ERO1B: variants seen among roughly 807,000 people sequenced by gnomAD.
ERO1B encodes ERO1-like protein beta.
In ERO1B, 49 loss-of-function variants were observed where a neutral mutation model predicts 75.3. The ratio of observed to expected loss-of-function variants is 0.65; its 90% confidence interval spans 0.52 to 0.83. The LOEUF (loss-of-function observed/expected upper bound fraction) is 0.83. ERO1B is among the 40% of genes least tolerant of loss of function. The pLI, the probability that ERO1B is intolerant of heterozygous loss-of-function variation, is 0.00. For missense variants in ERO1B, 512 were observed against 560.1 expected (o/e 0.91, Z 0.87); for synonymous variants, 191 against 192.9 (o/e 0.99, Z 0.08).
chr1:236,229,422 CA>C (rs199715484), intron 10 of ERO1B, among the ~76,000 whole-genome samples: 7,954 of 112,132 alleles, frequency 0.071, 527 homozygotes, highest in East Asian at 0.42. Context: ...GACTCTGACT[CA>C]AAAAAAAAAA....
At chr1:236,254,722 C>A (rs531901047) in intron 2 of ERO1B, among the ~76,000 whole-genome samples, 59 of 151,310 alleles carry the variant, frequency 3.9e-4, no homozygotes, top group African/African-American at 9.3e-4. Flanking sequence ...AAGTGATTCT[C>A]CTGCCTCAGC....
At chr1:236,237,345 G>A (rs1664570164) in intron 6 of ERO1B, among the ~76,000 whole-genome samples, 1 of 152,040 alleles carries the variant, frequency 6.6e-6, no homozygotes, top group South Asian at 2.1e-4. Flanking sequence ...TCAAACTCCT[G>A]ACCTCGTGAT....
intron 2 of ERO1B, among the ~76,000 whole-genome samples, chr1:236,255,994 A>G (rs1665150587): frequency 6.6e-6 from 1 of 152,218 alleles, no homozygotes. Flanking sequence ...TCTGGCCTCT[A>G]ACAAGCCAGT....
chr1:236,281,909 T>A lies in ERO1B; in HGVS notation c.-126A>T. ...CGACTCCAGGGTCAGAGGTCTGCAC[T>A]CCAGTCCGGAGGCAGGCGACTCTTT... On this transcript the variant is annotated 5_prime_UTR_variant, in exon 1 of 16. Coordinates refer to ENST00000354619, the MANE Select transcript of ERO1B (RefSeq NM_019891.4). 3.5e-6 allele frequency: 2 copies of A among 576,318 alleles called. No homozygotes were observed. Among genetic ancestry groups the A allele is most frequent in the East Asian group, 7.0e-5 (2 of 28,676 alleles). 35.7% of individuals were successfully genotyped at this position (576,318 alleles called of 1,614,324 possible).
chr1:236,237,382 C>A (rs996744568), intron 6 of ERO1B, among the ~76,000 whole-genome samples: 3 of 151,884 alleles, frequency 2.0e-5, no homozygotes, highest in African/African-American at 7.3e-5. Context: ...CCCAAAGTGG[C>A]GGGATTACAG....
At chr1:236,222,080 G>A in intron 13 of ERO1B, 70 bp from the exon 14 acceptor site, 9 of 1,125,472 alleles carry the variant, frequency 8.0e-6, no homozygotes, top group Non-Finnish European at 9.3e-6. Flanking sequence ...TAAACGATAA[G>A]TAAGTTTTGA....
At chr1:236,230,275 A>T in intron 9 of ERO1B, 25 bp from the exon 10 acceptor site, 1 of 1,559,726 alleles carries the variant, frequency 6.4e-7, no homozygotes, top group Non-Finnish European at 8.8e-7. Flanking sequence ...AAAGTGGATT[A>T]AAACATTATA....
chr1:236,249,722 C>G (rs914652254), intron 5 of ERO1B, among the ~76,000 whole-genome samples, 163 bp downstream of exon 5: 1 of 151,994 alleles, frequency 6.6e-6, no homozygotes, highest in African/African-American at 2.4e-5. Context: ...CAAGAAGAGG[C>G]AAAGCTATTA....
At chr1:236,254,470 G>C (rs1665113149) in intron 2 of ERO1B, among the ~76,000 whole-genome samples, 2 of 152,064 alleles carry the variant, frequency 1.3e-5, no homozygotes, top group South Asian at 4.1e-4. Context: ...ATCACCCTTA[G>C]AGTTTATAAA....
At chr1:236,249,180 C>T (rs1664956646) in intron 5 of ERO1B, among the ~76,000 whole-genome samples, 1 of 152,128 alleles carries the variant, frequency 6.6e-6, no homozygotes, top group South Asian at 2.1e-4. Flanking sequence ...CACCCGCCAC[C>T]ACACCCGGCT....
rs116740207 is a variant in ERO1B at position 236,219,120 on chromosome 1, C to A, written c.1344-544G>T. ...AAATATAAAAAAGTAATTCTAAAAGCTCAAGTATCCCTATGTACAATTCAG... is the reference window on the plus strand; with the variant it reads ...AAATATAAAAAAGTAATTCTAAAAGATCAAGTATCCCTATGTACAATTCAG... On this transcript the variant is annotated intron_variant, in intron 15 of 15. Transcript: ENST00000354619. Among the ~76,000 whole-genome samples the A allele has an allele frequency of 5.8e-3, 887 of 152,256 alleles. 9 individuals are homozygous for A. Among genetic ancestry groups the A allele is most frequent in the African/African-American group, 0.02 (824 of 41,544 alleles).
At chr1:236,253,956 A>G (rs975542989) in intron 2 of ERO1B, among the ~76,000 whole-genome samples, 1 of 152,198 alleles carries the variant, frequency 6.6e-6, no homozygotes, top group African/African-American at 2.4e-5. Context: ...TACAAAGAAA[A>G]TCCAGAGAAC....
At chr1:236,225,280 G>C in intron 12 of ERO1B, 141 bp from the exon 13 acceptor site, 1 of 739,348 alleles carries the variant, frequency 1.4e-6, no homozygotes, top group Non-Finnish European at 2.2e-6. Flanking sequence ...ATGTAGAAAA[G>C]TGACAAACAG....
rs1310243679 is a variant in ERO1B at position 236,255,098 on chromosome 1, C to CTTT, written c.223-1596_223-1594dup. Among the ~76,000 whole-genome samples, 876 of 133,412 alleles carry CTTT rather than the reference C, an allele frequency of 6.6e-3. 7 individuals are homozygous for CTTT. The highest frequency in any genetic ancestry group is 0.023 in the African/African-American group (842 of 37,324). The allele number at this position is 133,412 out of a possible 152,430, so 87.5% of individuals were successfully genotyped here. On this transcript the variant is annotated intron_variant, in intron 2 of 15. Coordinates refer to ENST00000354619, the MANE Select transcript of ERO1B (RefSeq NM_019891.4). ...ACCACACCTGGCTAATTTTTTTTTT[C>CTTT]TTTCTTTTTTTTTTTTAAGTAGAGA...
chr1:236,253,319 C>T, intron 3 of ERO1B, 103 bp downstream of exon 3: 2 of 683,428 alleles, frequency 2.9e-6, no homozygotes, highest in Non-Finnish European at 2.5e-6. Context: ...AATTTGCTGA[C>T]ACATCCAAAT....
chr1:236,260,679 AG>A (rs1558519272), intron 2 of ERO1B, among the ~76,000 whole-genome samples: 2 of 151,596 alleles, frequency 1.3e-5, no homozygotes, highest in Admixed American at 6.6e-5. Context: ...AAAAAAAAAA[AG>A]ACAGACAGAC....
intron 8 of ERO1B, among the ~76,000 whole-genome samples, chr1:236,234,310 G>A (rs1340531651): frequency 2.0e-5 from 3 of 151,988 alleles, no homozygotes; most frequent in Admixed American, 1.3e-4. Flanking sequence ...TCACTAACAT[G>A]GAAATGAAGT....
chr1:236,279,678 A>AC (rs112896288), intron 1 of ERO1B, among the ~76,000 whole-genome samples: 78,091 of 133,328 alleles, frequency 0.59, 20,844 homozygotes, highest in East Asian at 0.86. Context: ...AAAAAAAAAA[A>AC]AAACACACAC....
At chr1:236,253,920 A>C (rs1726657) in intron 2 of ERO1B, among the ~76,000 whole-genome samples, 10,465 of 152,154 alleles carry the variant, frequency 0.069, 751 homozygotes, top group East Asian at 0.39. Context: ...AATATTTGTA[A>C]GTTTAGTACG....
Sources: allele counts gnomAD v4.1 joint callset (sites outside exome capture counted in the v4.1 genomes callset), GRCh38; gene constraint gnomAD v4.1.1; transcripts MANE v1.5; gene names NCBI Gene and HGNC (gene_info 2026-07-23, HGNC 2026-07-21).